Variants in POF1B observed in about 807,000 individuals in gnomAD.
POF1B encodes POF1B actin binding protein, also known as protein POF1B.
Under a neutral mutation model 55.3 loss-of-function variants are expected in POF1B, and 53 were observed. That is an observed-to-expected ratio of 0.96 (90% CI 0.77 to 1.20). POF1B has a LOEUF of 1.20. Ranked by LOEUF, POF1B falls within the 50% of genes most tolerant of loss-of-function variation. POF1B has a pLI of 0.00. For missense variants in POF1B, 478 were observed against 420.5 expected, an observed-to-expected ratio of 1.14 and a Z score of -1.20; for synonymous variants, 188 against 148.3, an observed-to-expected ratio of 1.27 and a Z score of -1.95.
chrX:85,378,378 C>T (rs1246994716), intron 2 of POF1B, among the ~76,000 whole-genome samples: 3 of 111,689 alleles, frequency 2.7e-5, no homozygotes, highest in Middle Eastern at 4.3e-3. Context: ...GGATAAAATA[C>T]ACATAAAGCT....
At chrX:85,359,464 C>T in intron 4 of POF1B, 86 bp downstream of exon 4, 1 of 667,101 alleles carries the variant, frequency 1.5e-6, no homozygotes. Flanking sequence ...ACAATCTGAT[C>T]TTAAGGATCT....
At chrX:85,372,343 CA>C (rs35860898) in intron 2 of POF1B, among the ~76,000 whole-genome samples, 30,370 of 64,024 alleles carry the variant, frequency 0.47, 5,972 homozygotes, top group Middle Eastern at 0.65. Flanking sequence ...GACTCTGTCT[CA>C]AAAAAAAAAA....
rs191013223 is a variant in POF1B at position 85,355,751 on chromosome X, A to G, written c.438+3799T>C. On this transcript the variant is annotated intron_variant, in intron 4 of 16. Transcript: ENST00000262753. ...CATCAGAGAAACACAAATCAAAACC[A>G]CAATGAGATACCATCTCATGCCAGT... Among the ~76,000 whole-genome samples the G allele has an allele frequency of 8.1e-4, 91 of 112,075 alleles. 1 individual carries two copies. In the East Asian group the frequency reaches 0.021, roughly 26 times the overall value.
chrX:85,358,332 A>G (rs1218841305), intron 4 of POF1B, among the ~76,000 whole-genome samples: 1 of 111,456 alleles, frequency 9.0e-6, no homozygotes, highest in Non-Finnish European at 1.9e-5. Context: ...CATGTATTCT[A>G]CATAGCTATT....
At chrX:85,356,284 G>A (rs1225078875) in intron 4 of POF1B, among the ~76,000 whole-genome samples, 3 of 105,225 alleles carry the variant, frequency 2.9e-5, no homozygotes, top group African/African-American at 1.0e-4. Flanking sequence ...ACAAGAAGGG[G>A]GGCATCACAC....
intron 5 of POF1B, among the ~76,000 whole-genome samples, chrX:85,350,856 A>T (rs149224647): frequency 3.9e-4 from 44 of 111,603 alleles, no homozygotes; most frequent in African/African-American, 1.4e-3. Context: ...GCAGTTTTAT[A>T]CTTGGTCTGT....
chrX:85,335,533 A>T (rs1434079013), intron 6 of POF1B, among the ~76,000 whole-genome samples: 1 of 95,953 alleles, frequency 1.0e-5, no homozygotes, highest in African/African-American at 4.6e-5. Flanking sequence ...AAAATAAATA[A>T]TTGGTCTCCT....
chrX:85,334,175 T>C (rs1933024355), intron 6 of POF1B, among the ~76,000 whole-genome samples: 1 of 110,868 alleles, frequency 9.0e-6, no homozygotes, highest in Admixed American at 9.6e-5. Context: ...ATCTTTTTTG[T>C]TGCCTTGAGA....
chrX:85,290,327 G>T (rs1485522017), intron 15 of POF1B, among the ~76,000 whole-genome samples: 1 of 111,252 alleles, frequency 9.0e-6, no homozygotes, highest in Non-Finnish European at 1.9e-5. Flanking sequence ...TGGTGTATAT[G>T]TACCACATTT....
intron 9 of POF1B, among the ~76,000 whole-genome samples, chrX:85,309,381 GA>G (rs1011332055): frequency 1.9e-5 from 2 of 107,895 alleles, no homozygotes; most frequent in African/African-American, 3.3e-5. Context: ...AAAGAAAAAA[GA>G]AAAAAAATAC....
intron 3 of POF1B, among the ~76,000 whole-genome samples, chrX:85,364,426 C>T (rs1272852550): frequency 8.9e-6 from 1 of 111,987 alleles, no homozygotes. Flanking sequence ...TTCAAGATCT[C>T]TTGCAAGGCA....
intron 12 of POF1B, 80 bp from the exon 13 acceptor site, chrX:85,305,990 T>A (rs1323743334): frequency 9.3e-7 from 1 of 1,071,236 alleles, no homozygotes; most frequent in African/African-American, 1.9e-5. Context: ...TGTTATTAGA[T>A]GAAAACCACA....
chrX:85,374,466 C>T (rs1933887723), intron 2 of POF1B, among the ~76,000 whole-genome samples: 1 of 112,193 alleles, frequency 8.9e-6, no homozygotes, highest in Non-Finnish European at 1.9e-5. Flanking sequence ...ATACGTAGTG[C>T]AGGCTTTGTT....
intron 3 of POF1B, among the ~76,000 whole-genome samples, chrX:85,360,558 T>TAC (rs1454693876): frequency 1.4e-5 from 1 of 73,209 alleles, no homozygotes; most frequent in Non-Finnish European, 2.4e-5. Flanking sequence ...TATATATATA[T>TAC]ACATATATAC....
intron 6 of POF1B, among the ~76,000 whole-genome samples, chrX:85,335,149 A>C: frequency 9.0e-6 from 1 of 111,294 alleles, no homozygotes. Flanking sequence ...GAGATTATAA[A>C]GCGCTTAAAA....
intron 15 of POF1B, among the ~76,000 whole-genome samples, chrX:85,285,202 A>G (rs1377969603): frequency 9.0e-6 from 1 of 111,625 alleles, no homozygotes; most frequent in East Asian, 2.8e-4. Flanking sequence ...CACCGTTGGC[A>G]GGACTGTAAA....
At chrX:85,279,495 G>T in intron 16 of POF1B, 69 bp from the exon 17 acceptor site, 1 of 1,045,978 alleles carries the variant, frequency 9.6e-7, no homozygotes, top group Non-Finnish European at 1.3e-6. Flanking sequence ...TATATGCAAA[G>T]TTATGGAAAA....
chrX:85,305,369 T>C (rs1002883065), intron 13 of POF1B, among the ~76,000 whole-genome samples: 2 of 110,781 alleles, frequency 1.8e-5, no homozygotes, highest in Admixed American at 9.6e-5. Context: ...GTTTTCCTCC[T>C]CATGCTTGAC....
intron 9 of POF1B, among the ~76,000 whole-genome samples, chrX:85,308,632 GTTTAAC>G (rs1446948635): frequency 9.0e-6 from 1 of 111,316 alleles, no homozygotes; most frequent in Non-Finnish European, 1.9e-5. Flanking sequence ...TTATAATTAA[GTTTAAC>G]TTTAAAGTAT....
Sources: allele counts gnomAD v4.1 joint callset (sites outside exome capture counted in the v4.1 genomes callset), GRCh38; gene constraint gnomAD v4.1.1; transcripts MANE v1.5; gene names NCBI Gene and HGNC (gene_info 2026-07-23, HGNC 2026-07-21).